RFT1: variants seen among roughly 807,000 people sequenced by gnomAD.
The protein encoded by RFT1 is man(5)GlcNAc(2)-PP-dolichol translocation protein RFT1.
RFT1 carries 43 observed loss-of-function variants against 62.2 expected under a neutral mutation model. The observed-to-expected ratio is 0.69, with a 90% CI of 0.54 to 0.89. The LOEUF (loss-of-function observed/expected upper bound fraction) is 0.89, where lower values mean the gene tolerates loss of function less well. RFT1 is among the 40% of genes least tolerant of loss of function. The probability of loss-of-function intolerance (pLI) is 0.00; values close to 1 mark genes in which losing one functional copy is unlikely to be tolerated. For missense variants in RFT1, 605 were observed against 649.9 expected (o/e 0.93, Z 0.75); for synonymous variants, 262 against 264.6 (o/e 0.99, Z 0.10).
At chr3:53,082,036 C>T in the RFT1 span, among the ~76,000 whole-genome samples, 51 of 152,232 alleles carry the variant, frequency 3.4e-4, 1 homozygote, top group South Asian at 9.8e-3. Context: ...CTCGACTTCC[C>T]GGGCTCCAGT....
chr3:53,103,037 C>T (rs1254826240), intron 10 of RFT1: 8 of 900,756 alleles, frequency 8.9e-6, no homozygotes, highest in Non-Finnish European at 1.1e-5. Context: ...AGCACAAGCC[C>T]CAGGGAGCTG....
Position 53,091,852 on chromosome 3 carries a change from G to C in RFT1, c.*51C>G. ...TTACACAGAATGTGTTCCACCCACA[G>C]AACTACCCATAGCTGGTCCAGGTGC... On this transcript the variant is annotated 3_prime_UTR_variant, in exon 13 of 13. Transcript: ENST00000296292. 6.3e-7 allele frequency: 1 copy of C among 1,592,708 alleles called. No individual in the cohort carries two copies. The highest frequency in any genetic ancestry group is 2.2e-5 in the East Asian group (1 of 44,764).
At position 53,089,472 on chromosome 3, in the gene RFT1, TCC is replaced by T. The variant is rs746181216; in HGVS notation, c.*2429_*2430del. 8 of 152,286 alleles carry T rather than the reference TCC, an allele frequency of 5.3e-5. No homozygotes were observed. In the South Asian group the frequency reaches 1.7e-3, roughly 32 times the overall value. The allele number at this position is 152,286 out of a possible 1,614,324, so 9.4% of individuals were successfully genotyped here. ...TGAAAGCCAAAAGTATGATTTCTGC[TCC>T]CCAAATCCACTTGGGTAAAGTGAGG... is the stretch of plus-strand genomic sequence containing the variant. On this transcript the variant is annotated 3_prime_UTR_variant, in exon 13 of 13. Coordinates refer to ENST00000296292, the MANE Select transcript of RFT1 (RefSeq NM_052859.4).
intron 9 of RFT1, among the ~76,000 whole-genome samples, chr3:53,105,423 C>G (rs567094186): frequency 4.5e-5 from 6 of 134,392 alleles, no homozygotes; most frequent in Non-Finnish European, 8.1e-5. Flanking sequence ...CCGCCCCCCC[C>G]CCCAAAAAGA....
the RFT1 span, among the ~76,000 whole-genome samples, chr3:53,078,570 C>T: frequency 3.9e-5 from 6 of 152,232 alleles, no homozygotes; most frequent in Non-Finnish European, 7.4e-5. Flanking sequence ...GAGACCCCAT[C>T]TCTACTAATA....
intron 11 of RFT1, among the ~76,000 whole-genome samples, chr3:53,097,034 C>T (rs1444523888): frequency 3.9e-5 from 6 of 152,126 alleles, no homozygotes; most frequent in South Asian, 4.1e-4. Context: ...TGTGAGCCAC[C>T]GTGCCCGGCC....
At chr3:53,094,836 G>C (rs970438592) in intron 11 of RFT1, among the ~76,000 whole-genome samples, 2 of 152,014 alleles carry the variant, frequency 1.3e-5, no homozygotes, top group Non-Finnish European at 2.9e-5. Flanking sequence ...CATCTGAGAG[G>C]AGCTGATGAT....
rs1700931156 is a variant in RFT1, at chr3:53,089,392, G to A, written c.*2511C>T. The A allele has an allele frequency of 1.3e-5, 2 of 152,254 alleles. No homozygotes were observed. Among genetic ancestry groups the A allele is most frequent in the Non-Finnish European group, 2.9e-5 (2 of 68,068 alleles). 9.4% of individuals were successfully genotyped at this position (152,254 alleles called of 1,614,324 possible). Reference sequence around the variant, plus strand: ...AACGAATGCTCCTTCCTTTCATAAAGGTTGTGCCTCAGAGACTTGTTTCCA... The same window carrying A: ...AACGAATGCTCCTTCCTTTCATAAAAGTTGTGCCTCAGAGACTTGTTTCCA... On this transcript the variant is annotated 3_prime_UTR_variant, in exon 13 of 13. Coordinates refer to ENST00000296292, the MANE Select transcript of RFT1 (RefSeq NM_052859.4).
intron 9 of RFT1, among the ~76,000 whole-genome samples, 198 bp from the exon 10 acceptor site, chr3:53,104,295 C>T (rs771520947): frequency 9.9e-5 from 15 of 152,030 alleles, no homozygotes; most frequent in Non-Finnish European, 2.1e-4. Context: ...CTCCTTAGGT[C>T]GTAAGGGGGA....
At chr3:53,098,527 G>A (rs1227391317) in intron 11 of RFT1, among the ~76,000 whole-genome samples, 1 of 152,192 alleles carries the variant, frequency 6.6e-6, no homozygotes, top group Non-Finnish European at 1.5e-5. Context: ...ATGAGGCTGG[G>A]CACGGTGGCT....
rs544568309 is a variant in RFT1, at chr3:53,119,769, A to G, written c.696+115T>C. ...GGCATAGAGCAAGCACTCCATAAATATGAGCTATAAAATTCTATTTATGAT... is the reference window on the plus strand; with the variant it reads ...GGCATAGAGCAAGCACTCCATAAATGTGAGCTATAAAATTCTATTTATGAT... On this transcript the variant is annotated intron_variant, in intron 6 of 12. Transcript: ENST00000296292. 38 of 1,024,208 alleles carry G rather than the reference A, an allele frequency of 3.7e-5. No individual in the cohort carries two copies. In the South Asian group the frequency reaches 5.0e-4, roughly 13 times the overall value. 63.4% of individuals were successfully genotyped at this position (1,024,208 alleles called of 1,614,324 possible).
intron 10 of RFT1, among the ~76,000 whole-genome samples, chr3:53,100,855 A>G (rs1003622961): frequency 8.5e-5 from 13 of 152,174 alleles, no homozygotes; most frequent in African/African-American, 3.1e-4. Context: ...TCTGTTTGGT[A>G]GTTACATGGG....
downstream of RFT1, among the ~76,000 whole-genome samples, chr3:53,085,422 C>A (rs1700835026): frequency 6.6e-6 from 1 of 152,234 alleles, no homozygotes; most frequent in Non-Finnish European, 1.5e-5. Flanking sequence ...ACCCAGGGCC[C>A]TTTAACTCTT....
Position 53,103,871 on chromosome 3 carries a change from G to C in RFT1, c.1102+82C>G, listed in dbSNP as rs1701385322. On this transcript the variant is annotated intron_variant, in intron 10 of 12. Coordinates refer to ENST00000296292, the MANE Select transcript of RFT1 (RefSeq NM_052859.4). ...CTACACTGACACAGATAACAACTGT[G>C]TGTGCACAAGTTCTTGAATTTCGTG... 3.9e-6 allele frequency: 6 copies of C among 1,532,076 alleles called. No homozygotes were observed. The African/African-American group carries it at 4.1e-5, about 10-fold the overall frequency. 94.9% of individuals were successfully genotyped at this position (1,532,076 alleles called of 1,614,324 possible). A position where few individuals can be genotyped will look rare whatever the true frequency, so the allele number is the denominator to read the frequency against.
At chr3:53,121,364 C>A (rs1701962226) in intron 5 of RFT1, among the ~76,000 whole-genome samples, 1 of 152,198 alleles carries the variant, frequency 6.6e-6, no homozygotes, top group African/African-American at 2.4e-5. Flanking sequence ...CCCCACCCCC[C>A]ACTGATTTTT....
chr3:53,099,694 A>G (rs1295880661), intron 10 of RFT1, among the ~76,000 whole-genome samples: 1 of 152,202 alleles, frequency 6.6e-6, no homozygotes, highest in Admixed American at 6.5e-5. Context: ...TCAGCAAAAA[A>G]CAAAATGACA....
chr3:53,104,364 A>C (rs1466035917), intron 9 of RFT1, among the ~76,000 whole-genome samples: 1 of 151,224 alleles, frequency 6.6e-6, no homozygotes, highest in East Asian at 1.9e-4. Context: ...GGAAACACTC[A>C]CTTTCCCCTC....
intron 6 of RFT1, among the ~76,000 whole-genome samples, 189 bp downstream of exon 6, chr3:53,119,695 T>C (rs911931996): frequency 2.6e-5 from 4 of 152,156 alleles, no homozygotes; most frequent in East Asian, 1.9e-4. Flanking sequence ...CAACAAAGAA[T>C]TGAGCAGCCC....
intron 4 of RFT1, 119 bp from the exon 5 acceptor site, chr3:53,121,919 G>T: frequency 1.3e-6 from 1 of 783,898 alleles, no homozygotes; most frequent in Non-Finnish European, 2.2e-6. Context: ...AGGGCACACA[G>T]CTGGACATAA....
Sources: gnomAD v4.1 joint callset for allele counts (sites outside exome capture counted in the v4.1 genomes callset) on GRCh38, gnomAD v4.1.1 for gene constraint, MANE v1.5 for transcripts, NCBI Gene and HGNC (gene_info 2026-07-23, HGNC 2026-07-21) for gene names.